The following ALK variants were observed in gnomAD, a reference collection of about 807,000 sequenced individuals.
ALK encodes ALK receptor tyrosine kinase.
A neutral mutation model predicts 163.1 loss-of-function variants in ALK; 74 were observed. The ratio of observed to expected loss-of-function variants is 0.45; its 90% CI spans 0.38 to 0.55. ALK has a LOEUF of 0.55. Among genes scored for constraint, ALK ranks in the 20% least tolerant of loss-of-function variants. The pLI is 0.00. For missense variants in ALK, 2,063 were observed against 2,105.3 expected, an observed-to-expected ratio of 0.98 and a Z score of 0.39; for synonymous variants, 960 against 843.2, an observed-to-expected ratio of 1.14 and a Z score of -2.40.
intron 1 of ALK, among the ~76,000 whole-genome samples, chr2:29,891,321 G>C (rs938004803): frequency 2.0e-5 from 3 of 152,192 alleles, no homozygotes; most frequent in African/African-American, 7.2e-5. Flanking sequence ...TTTTTAAAAA[G>C]AGGTGAGAGT....
chr2:29,788,598 G>A (rs377191749), intron 1 of ALK, among the ~76,000 whole-genome samples: 6 of 152,188 alleles, frequency 3.9e-5, no homozygotes, highest in Admixed American at 6.5e-5. Context: ...ACAGGCAACC[G>A]ATGCAGACTG....
intron 6 of ALK, among the ~76,000 whole-genome samples, chr2:29,326,986 T>A (rs1667284305): frequency 6.6e-6 from 1 of 152,202 alleles, no homozygotes; most frequent in Non-Finnish European, 1.5e-5. Context: ...CGCCCCTGTG[T>A]GAAGCTTTCA....
chr2:29,300,404 C>A, intron 8 of ALK, among the ~76,000 whole-genome samples: 1 of 151,958 alleles, frequency 6.6e-6, no homozygotes, highest in African/African-American at 2.4e-5. Flanking sequence ...CAAAAATTAG[C>A]CAGGTGTGGT....
intron 1 of ALK, among the ~76,000 whole-genome samples, chr2:29,830,713 T>TAAAAAA (rs530774574): frequency 2.8e-4 from 8 of 28,966 alleles, no homozygotes; most frequent in Admixed American, 1.3e-3. Flanking sequence ...TAAAATAGTT[T>TAAAAAA]AAAAAAAAAA....
chr2:29,466,105 A>G (rs1671204000), intron 4 of ALK, among the ~76,000 whole-genome samples: 1 of 152,242 alleles, frequency 6.6e-6, no homozygotes, highest in Admixed American at 6.5e-5. Flanking sequence ...TTAATAAAAC[A>G]TAGGTAAACT....
intron 3 of ALK, among the ~76,000 whole-genome samples, chr2:29,586,458 C>CA (rs1269194982): frequency 6.6e-6 from 1 of 151,954 alleles, no homozygotes; most frequent in Non-Finnish European, 1.5e-5. Flanking sequence ...TTTTAGGTCT[C>CA]AAAAAAATGC....
At chr2:29,230,288 TC>T (rs879858596) in intron 15 of ALK, among the ~76,000 whole-genome samples, 9,353 of 82,160 alleles carry the variant, frequency 0.11, 305 homozygotes, top group South Asian at 0.22. Flanking sequence ...GACACAATCA[TC>T]TTTTTTTTTT....
chr2:29,302,428 G>C lies in ALK; in HGVS notation c.1648-5371C>G, dbSNP rs543096135. Reference sequence around the variant, plus strand: ...AGCTACTTGGGAGGCTGAGGCAGGAGAATTGCTTCAACCCGGGAGGCGGAG... The same window carrying C: ...AGCTACTTGGGAGGCTGAGGCAGGACAATTGCTTCAACCCGGGAGGCGGAG... On this transcript the variant is annotated intron_variant, in intron 8 of 28. Coordinates refer to ENST00000389048, the MANE Select transcript of ALK (RefSeq NM_004304.5). 7.9e-5 allele frequency among the ~76,000 whole-genome samples: 12 copies of C among 152,328 alleles called. No individual in the cohort carries two copies. In the East Asian group the frequency reaches 2.1e-3, roughly 27 times the overall value.
At chr2:29,198,384 T>A (rs763205574) in intron 26 of ALK, among the ~76,000 whole-genome samples, 3 of 152,148 alleles carry the variant, frequency 2.0e-5, no homozygotes, top group Non-Finnish European at 4.4e-5. Context: ...GGTTATACAT[T>A]TGCTCAAGCC....
At chr2:29,565,119 T>C (rs887394407) in intron 3 of ALK, among the ~76,000 whole-genome samples, 4 of 152,346 alleles carry the variant, frequency 2.6e-5, no homozygotes, top group Admixed American at 2.6e-4. Context: ...GGTGACAACG[T>C]GATATGGTGC....
intron 1 of ALK, among the ~76,000 whole-genome samples, chr2:29,847,964 G>A (rs949668186): frequency 2.8e-4 from 42 of 152,090 alleles, no homozygotes; most frequent in Non-Finnish European, 4.9e-4. Context: ...GTCTAGTGGC[G>A]AGACAAACTT....
intron 3 of ALK, among the ~76,000 whole-genome samples, chr2:29,595,315 C>G (rs1675179048): frequency 6.9e-6 from 1 of 145,466 alleles, no homozygotes; most frequent in Non-Finnish European, 1.5e-5. Flanking sequence ...TGCTGTCTTA[C>G]TGGATTTTTT....
chr2:29,495,449 T>C (rs2148127757), intron 4 of ALK, among the ~76,000 whole-genome samples: 1 of 152,308 alleles, frequency 6.6e-6, no homozygotes, highest in South Asian at 2.1e-4. Context: ...CTTTGGATTC[T>C]AGCAATCACG....
At chr2:29,633,115 T>C (rs747187061) in intron 3 of ALK, among the ~76,000 whole-genome samples, 5 of 152,182 alleles carry the variant, frequency 3.3e-5, no homozygotes, top group Non-Finnish European at 7.3e-5. Flanking sequence ...ATGGTTGTTA[T>C]GGAAGCCTGA....
intron 3 of ALK, among the ~76,000 whole-genome samples, chr2:29,580,593 C>T (rs990343274): frequency 2.6e-5 from 4 of 152,202 alleles, no homozygotes; most frequent in African/African-American, 9.7e-5. Flanking sequence ...AACCCAGATA[C>T]CAGGCAACAC....
intron 6 of ALK, among the ~76,000 whole-genome samples, chr2:29,327,714 G>T (rs532266719): frequency 1.3e-5 from 2 of 152,306 alleles, no homozygotes; most frequent in South Asian, 2.1e-4. Context: ...TATGTGAATT[G>T]TATCTCAAAA....
chr2:29,445,578 C>G (rs1027812881), intron 4 of ALK, among the ~76,000 whole-genome samples: 1 of 152,092 alleles, frequency 6.6e-6, no homozygotes, highest in Non-Finnish European at 1.5e-5. Flanking sequence ...TTCGGGAGGC[C>G]GAGGGGGGTG....
At chr2:29,532,140 A>G in intron 3 of ALK, 24 bp from the exon 4 acceptor site, 1 of 1,609,938 alleles carries the variant, frequency 6.2e-7, no homozygotes, top group Non-Finnish European at 8.5e-7. Context: ...GGGAAAACGA[A>G]TCTGCAGATG....
intron 3 of ALK, among the ~76,000 whole-genome samples, chr2:29,564,169 C>A (rs4632300): frequency 9.5e-4 from 145 of 152,210 alleles, no homozygotes; most frequent in African/African-American, 3.5e-3. Flanking sequence ...GTGAGTGGTG[C>A]GAGCTTTGGA....
Sources: gnomAD v4.1 joint callset for allele counts (sites outside exome capture counted in the v4.1 genomes callset) on GRCh38, gnomAD v4.1.1 for gene constraint, MANE v1.5 for transcripts, NCBI Gene and HGNC (gene_info 2026-07-23, HGNC 2026-07-21) for gene names.